The following HIVEP2 variants were observed in gnomAD, a reference collection of about 807,000 sequenced individuals.
HIVEP2 encodes transcription factor HIVEP2.
A neutral mutation model predicts 180.7 loss-of-function variants in HIVEP2; 14 were observed. The observed-to-expected ratio is 0.08, with a 90% confidence interval of 0.05 to 0.12. HIVEP2 has a LOEUF of 0.12. Among genes scored for constraint, HIVEP2 ranks in the 10% least tolerant of loss-of-function variants. HIVEP2 has a pLI of 1.00. For missense variants in HIVEP2, 2,579 were observed against 3,008.5 expected (o/e 0.86, Z 3.34); for synonymous variants, 1,184 against 1,136.4 (o/e 1.04, Z -0.84).
At chr6:142,883,533 C>T (rs1015561774) in intron 1 of HIVEP2, among the ~76,000 whole-genome samples, 4 of 152,164 alleles carry the variant, frequency 2.6e-5, no homozygotes, top group Admixed American at 6.6e-5. Flanking sequence ...TGCCCTCACA[C>T]TCCTACACAT....
chr6:142,782,175 G>A (rs902801981), intron 3 of HIVEP2, among the ~76,000 whole-genome samples: 11 of 152,172 alleles, frequency 7.2e-5, no homozygotes, highest in Admixed American at 3.3e-4. Flanking sequence ...TAAACATTTC[G>A]TCTTTTGTTG....
intron 1 of HIVEP2, among the ~76,000 whole-genome samples, chr6:142,872,746 C>T (rs1407954083): frequency 6.6e-6 from 1 of 152,296 alleles, no homozygotes; most frequent in East Asian, 1.9e-4. Flanking sequence ...AACTAGCTAC[C>T]TCTTTTCTGT....
intron 1 of HIVEP2, among the ~76,000 whole-genome samples, chr6:142,885,982 G>T (rs1351084925): frequency 6.6e-6 from 1 of 151,988 alleles, no homozygotes. Flanking sequence ...ATAAACTTTA[G>T]GAAAACAACA....
intron 2 of HIVEP2, among the ~76,000 whole-genome samples, chr6:142,832,929 C>T (rs1269190014): frequency 6.6e-6 from 1 of 152,132 alleles, no homozygotes; most frequent in African/African-American, 2.4e-5. Context: ...CTCAAGATTC[C>T]CTAAAAGTAT....
chr6:142,816,362 T>C (rs1433522555), intron 2 of HIVEP2, among the ~76,000 whole-genome samples: 1 of 152,180 alleles, frequency 6.6e-6, no homozygotes, highest in Non-Finnish European at 1.5e-5. Context: ...TTCCAGAATA[T>C]ATTTTTTCCT....
intron 6 of HIVEP2, among the ~76,000 whole-genome samples, chr6:142,765,672 A>T (rs1582836274): frequency 6.6e-6 from 1 of 152,332 alleles, no homozygotes; most frequent in East Asian, 1.9e-4. Flanking sequence ...TTTTTAATCA[A>T]ATTTGCATTT....
chr6:142,760,836 C>G (rs966910656), intron 8 of HIVEP2, among the ~76,000 whole-genome samples, 169 bp from the exon 9 acceptor site: 1 of 152,194 alleles, frequency 6.6e-6, no homozygotes, highest in African/African-American at 2.4e-5. Flanking sequence ...ACCCTGCGTT[C>G]ATTCTATCTT....
rs397972719 is a variant in HIVEP2, at chr6:142,911,160, A to AAAT, written c.-641+33938_-641+33939insATT. Among the ~76,000 whole-genome samples the AAAT allele has an allele frequency of 2.4e-3, 342 of 143,522 alleles. 1 individual carries two copies. The highest frequency in any genetic ancestry group is 4.0e-3 in the Non-Finnish European group (257 of 64,184). The allele number at this position is 143,522 out of a possible 152,430, so 94.2% of individuals were successfully genotyped here. ...ACATTAAAAAAAAAAAAAAAAAAAAACTTAAAAATAAGCACAAACAACATT... is the reference window on the plus strand; with the variant it reads ...ACATTAAAAAAAAAAAAAAAAAAAAAAATCTTAAAAATAAGCACAAACAACATT... On this transcript the variant is annotated intron_variant, in intron 1 of 9. Transcript: ENST00000367603.
At chr6:142,797,370 T>C (rs1409613461) in intron 2 of HIVEP2, among the ~76,000 whole-genome samples, 3 of 152,300 alleles carry the variant, frequency 2.0e-5, no homozygotes, top group East Asian at 3.9e-4. Flanking sequence ...CAAATAGTTG[T>C]AACTCATCAA....
intron 3 of HIVEP2, among the ~76,000 whole-genome samples, chr6:142,777,462 C>T: frequency 6.6e-6 from 1 of 151,854 alleles, no homozygotes; most frequent in Non-Finnish European, 1.5e-5. Context: ...GCCTGACCAA[C>T]ATAGAGAAAC....
At chr6:142,868,294 G>A (rs954652321) in intron 1 of HIVEP2, among the ~76,000 whole-genome samples, 6 of 152,074 alleles carry the variant, frequency 3.9e-5, no homozygotes, top group Non-Finnish European at 7.4e-5. Context: ...TCCTTTTACC[G>A]TACAGTAAAT....
At chr6:142,756,367 C>T (rs942646898) in intron 9 of HIVEP2, among the ~76,000 whole-genome samples, 4 of 152,122 alleles carry the variant, frequency 2.6e-5, no homozygotes, top group African/African-American at 9.7e-5. Flanking sequence ...ACAGTCCTGT[C>T]CTGAAGGTGC....
At chr6:142,757,547 T>A (rs1473722600) in intron 9 of HIVEP2, among the ~76,000 whole-genome samples, 2 of 152,132 alleles carry the variant, frequency 1.3e-5, no homozygotes, top group Non-Finnish European at 2.9e-5. Context: ...TAGGCCCAGC[T>A]GCTTGGGAGG....
At chr6:142,789,809 A>C (rs1776095239) in intron 2 of HIVEP2, among the ~76,000 whole-genome samples, 1 of 152,190 alleles carries the variant, frequency 6.6e-6, no homozygotes, top group Admixed American at 6.5e-5. Context: ...AAATGAGCAA[A>C]GATATTTATA....
rs529724982 is a variant in HIVEP2 at position 142,853,006 on chromosome 6, C to A, written c.-640-15959G>T. ...CTCTTAGTTTAATTGCATACTTGTA[C>A]AACATATACCTCTTTTCTTACTTTT... On this transcript the variant is annotated intron_variant, in intron 1 of 9. Transcript: ENST00000367603. Among the ~76,000 whole-genome samples the A allele has an allele frequency of 2.0e-5, 3 of 152,214 alleles. No homozygotes were observed. The East Asian group carries it at 5.8e-4, about 29-fold the overall frequency.
chr6:142,855,528 T>G (rs1389825051), intron 1 of HIVEP2, among the ~76,000 whole-genome samples: 1 of 152,216 alleles, frequency 6.6e-6, no homozygotes, highest in Non-Finnish European at 1.5e-5. Flanking sequence ...ACAGTATGAA[T>G]TTGAGGAGCC....
At chr6:142,936,620 TACAC>T (rs941102641) in intron 1 of HIVEP2, among the ~76,000 whole-genome samples, 5 of 152,170 alleles carry the variant, frequency 3.3e-5, no homozygotes, top group African/African-American at 1.2e-4. Context: ...TATATGTACA[TACAC>T]ACATACACAT....
chr6:142,772,411 C>T lies in HIVEP2; in HGVS notation c.2328G>A (p.Glu776=), dbSNP rs760450845. The T allele has an allele frequency of 6.8e-6, 11 of 1,614,236 alleles. No homozygotes were observed. Among genetic ancestry groups the T allele is most frequent in the Non-Finnish European group, 9.3e-6 (11 of 1,180,044 alleles). Residue 776 remains glutamate (E), a synonymous_variant, in exon 5 of 10, where the codon GAG becomes GAA. Transcript: ENST00000367603. This position sits in a 1 kb window ranked among gnomAD's most constrained non-coding sequence, Gnocchi z 4.9. ...QPGSPSLVSE[E]SPSAIDSDKM... ...TGTCTGAATCAATGGCTGAAGGTGA[C>T]TCCTCTGACACAAGAGATGGACTTC...
intron 5 of HIVEP2, among the ~76,000 whole-genome samples, 188 bp downstream of exon 5, chr6:142,769,364 A>C (rs1415563169): frequency 6.6e-6 from 1 of 152,224 alleles, no homozygotes; most frequent in Non-Finnish European, 1.5e-5. Context: ...ACCATGCCTG[A>C]GACCTCAGAA....
Sources: allele counts gnomAD v4.1 joint callset (sites outside exome capture counted in the v4.1 genomes callset), GRCh38; gene constraint gnomAD v4.1.1; non-coding constraint Gnocchi (gnomAD v3.1); transcripts MANE v1.5; gene names NCBI Gene and HGNC (gene_info 2026-07-23, HGNC 2026-07-21).